TFIP11: variants seen among roughly 807,000 people sequenced by gnomAD.
TFIP11 encodes tuftelin interacting protein 11.
In TFIP11, 86 loss-of-function variants were observed where a neutral mutation model predicts 96.8. The observed-to-expected ratio is 0.89, with a 90% CI of 0.75 to 1.06. The LOEUF is 1.06. Ranked by LOEUF, TFIP11 falls within the 50% of genes least tolerant of loss-of-function variation. TFIP11 has a pLI of 0.00. For synonymous variants in TFIP11, 405 were observed against 395.2 expected, an observed-to-expected ratio of 1.02 and a Z score of -0.29; for missense variants, 881 against 1,076.7, an observed-to-expected ratio of 0.82 and a Z score of 2.54.
intron 2 of TFIP11, 46 bp downstream of exon 2, chr22:26,512,053 A>G (rs1294130751): frequency 6.6e-6 from 1 of 152,132 alleles, no homozygotes; most frequent in Non-Finnish European, 1.5e-5. Flanking sequence ...GTTAGTTTTC[A>G]TGCTTCAGAT....
In TFIP11 at chr22:26,496,259, A is replaced by G. The variant is rs1355876551; in HGVS notation, c.1663T>C (p.Trp555Arg). ...AGCCGTGCCTGCATAAGGGGCAGCC[A>G]TGGGTGGATCCAAGAGTGGATGGGA... Reference protein sequence around the residue: ...TVPIHSWIHPWLPLMQARLEP... With the variant: ...TVPIHSWIHPRLPLMQARLEP... Residue 555 changes from tryptophan (W) to arginine (R), a missense_variant, in exon 12 of 15, where the codon TGG becomes CGG. Trp to Arg is a moderately radical substitution (Grantham distance 101). Coordinates refer to ENST00000407690, the MANE Select transcript of TFIP11 (RefSeq NM_012143.4). 2 of 1,613,600 alleles carry G rather than the reference A, an allele frequency of 1.2e-6. No homozygotes were observed. The highest frequency in any genetic ancestry group is 1.7e-6 in the Non-Finnish European group (2 of 1,179,702).
intron 12 of TFIP11, 92 bp downstream of exon 12, chr22:26,495,981 C>T: frequency 6.6e-7 from 1 of 1,523,464 alleles, no homozygotes; most frequent in Admixed American, 1.9e-5. Context: ...CTTTCATGAA[C>T]ATAAAGGCGA....
chr22:26,510,764 T>C (rs1427909084), intron 2 of TFIP11, 62 bp from the exon 3 acceptor site: 1 of 155,224 alleles, frequency 6.4e-6, no homozygotes, highest in Non-Finnish European at 1.4e-5. Context: ...GAAACAAAAT[T>C]TTCAGTTTTC....
intron 14 of TFIP11, chr22:26,492,601 A>G (rs1921352068): frequency 1.9e-6 from 1 of 531,910 alleles, no homozygotes; most frequent in Admixed American, 3.2e-5. Context: ...AATATTCAAC[A>G]TTTTAAAATG....
At position 26,491,371 on chromosome 22, in the gene TFIP11, G is replaced by A. The variant is rs559520368; in HGVS notation, c.*642C>T. The A allele has an allele frequency of 1.9e-6, 2 of 1,037,886 alleles. No individual in the cohort carries two copies. The highest frequency in any genetic ancestry group is 1.4e-6 in the Non-Finnish European group (1 of 695,898). 64.3% of individuals were successfully genotyped at this position (1,037,886 alleles called of 1,614,324 possible). On this transcript the variant is annotated 3_prime_UTR_variant, in exon 15 of 15. Transcript: ENST00000407690. The stretch of plus-strand genomic sequence containing the variant: ...ATTTGTTATTTTTTTAAAAAGTAAA[G>A]TGGGGATGACAAGTAAAGTGGAAAT...
chr22:26,497,139 G>T (rs1412930606), intron 10 of TFIP11, among the ~76,000 whole-genome samples: 1 of 152,122 alleles, frequency 6.6e-6, no homozygotes, highest in Non-Finnish European at 1.5e-5. Flanking sequence ...AGCTGCTTTA[G>T]GGTCACAAGG....
At chr22:26,495,857 C>G (rs4822729) in intron 12 of TFIP11, among the ~76,000 whole-genome samples, 66,505 of 151,788 alleles carry the variant, frequency 0.44, 15,067 homozygotes, top group East Asian at 0.49. Context: ...TTGTCACTGT[C>G]GACTATTAGT....
chr22:26,510,078 G>A lies in TFIP11; in HGVS notation c.195C>T (p.Ser65=). 6.2e-7 allele frequency: 1 copy of A among 1,613,554 alleles called. No individual in the cohort carries two copies. The highest frequency in any genetic ancestry group is 1.7e-5 in the Admixed American group (1 of 60,016). Residue 65 remains serine (S), a synonymous_variant, in exon 4 of 15, where the codon AGC becomes AGT. Coordinates refer to ENST00000407690, the MANE Select transcript of TFIP11 (RefSeq NM_012143.4). ...CCAGGCAATACCGTTTGCCTCCAAA[G>A]CTGGGCCTCTCATCATCCGAGTCTC... ...AERDSDDERP[S]FGGKRARDYS... is the part of the protein sequence containing the mutation.
At chr22:26,500,878 C>CTTTTTTTTT (rs397958538) in intron 8 of TFIP11, among the ~76,000 whole-genome samples, 19 of 102,056 alleles carry the variant, frequency 1.9e-4, no homozygotes, top group South Asian at 3.2e-4. Context: ...TAACGGAAAA[C>CTTTTTTTTT]TTTTTTTTTT....
At chr22:26,498,461 T>G (rs1922338384) in intron 10 of TFIP11, among the ~76,000 whole-genome samples, 1 of 150,942 alleles carries the variant, frequency 6.6e-6, no homozygotes, top group South Asian at 2.1e-4. Flanking sequence ...GAGAATCGCT[T>G]GAACCAGGCA....
rs778131446 is a variant in TFIP11 at position 26,510,096 on chromosome 22, C to T, written c.177G>A (p.Ser59=). 23 of 1,613,882 alleles carry T rather than the reference C, an allele frequency of 1.4e-5. No individual in the cohort carries two copies. In the Admixed American group the frequency reaches 3.0e-4, roughly 21 times the overall value. ...ATYGVWAERD[S]DDERPSFGGK... The stretch of plus-strand genomic sequence containing the variant: ...CTCCAAAGCTGGGCCTCTCATCATC[C>T]GAGTCTCGCTCTGCCCACACCCCGT... The change falls in exon 4 of 15, where the codon TCG becomes TCA. Residue 59 remains serine (S), a synonymous_variant. Transcript: ENST00000407690.
rs1461812789 is a variant in TFIP11 at position 26,491,573 on chromosome 22, CAT to C, written c.*438_*439del. ...CTGTGCAAAAGCTAGAACAGCTCTCCATAGATATTTGGGAGTTTCGGGAAGAA... is the reference window on the plus strand; with the variant it reads ...CTGTGCAAAAGCTAGAACAGCTCTCCAGATATTTGGGAGTTTCGGGAAGAA... On this transcript the variant is annotated 3_prime_UTR_variant, in exon 15 of 15. Coordinates refer to ENST00000407690, the MANE Select transcript of TFIP11 (RefSeq NM_012143.4). 2 of 1,614,008 alleles carry C rather than the reference CAT, an allele frequency of 1.2e-6. No individual in the cohort carries two copies. Among genetic ancestry groups the C allele is most frequent in the Non-Finnish European group, 1.7e-6 (2 of 1,179,990 alleles).
At chr22:26,498,035 C>T (rs1162967968) in intron 10 of TFIP11, among the ~76,000 whole-genome samples, 1 of 152,174 alleles carries the variant, frequency 6.6e-6, no homozygotes, top group African/African-American at 2.4e-5. Flanking sequence ...GAATATGACT[C>T]AGCCATAAAA....
rs1235080930 is a variant in TFIP11, at chr22:26,491,795, C to CT, written c.*217dup. The CT allele has an allele frequency of 9.7e-7, 1 of 1,029,764 alleles. No homozygotes were observed. Among genetic ancestry groups the CT allele is most frequent in the Non-Finnish European group, 1.4e-6 (1 of 718,940 alleles). 63.8% of individuals were successfully genotyped at this position (1,029,764 alleles called of 1,614,324 possible). A position where few individuals can be genotyped will look rare whatever the true frequency, so the allele number is the denominator to read the frequency against. The stretch of plus-strand genomic sequence containing the variant: ...AGGAAAGAACATCAACTTGGCTGTC[C>CT]TGTTTTGAGGACGATACCCCACATG... On this transcript the variant is annotated 3_prime_UTR_variant, in exon 15 of 15. Coordinates refer to ENST00000407690, the MANE Select transcript of TFIP11 (RefSeq NM_012143.4).
intron 10 of TFIP11, 53 bp downstream of exon 10, chr22:26,498,816 C>A (rs1467617001): frequency 3.0e-5 from 44 of 1,488,402 alleles, no homozygotes; most frequent in Non-Finnish European, 3.9e-5. Context: ...GCAATCCTTC[C>A]CAACCCCCCA....
chr22:26,492,014 C>A lies in TFIP11; in HGVS notation c.2513G>T (p.Ter838LeuextTer20). 1 of 1,590,078 alleles carries A rather than the reference C, an allele frequency of 6.3e-7. No individual in the cohort carries two copies. The highest frequency in any genetic ancestry group is 8.6e-7 in the Non-Finnish European group (1 of 1,168,208). The change falls in exon 15 of 15, where the codon TGA becomes TTA. Residue 838 changes from the stop codon to leucine, a stop_lost. Transcript: ENST00000407690. Reference sequence around the variant, plus strand: ...GACTGGTTCTGGACCTGCCACAGTTCACTTGGCCATGTCGATCAGGCTCTG... The same window carrying A: ...GACTGGTTCTGGACCTGCCACAGTTAACTTGGCCATGTCGATCAGGCTCTG... ...SLQSLIDMAK* is the reference protein window; with the variant it reads ...SLQSLIDMAKL
chr22:26,500,959 C>T (rs1922713417), intron 8 of TFIP11, among the ~76,000 whole-genome samples: 1 of 148,620 alleles, frequency 6.7e-6, no homozygotes. Flanking sequence ...TTTCCGCTCA[C>T]TGCAAGCTCC....
intron 10 of TFIP11, among the ~76,000 whole-genome samples, chr22:26,498,316 G>A (rs537252812): frequency 4.5e-4 from 69 of 152,232 alleles, no homozygotes; most frequent in African/African-American, 1.5e-3. Context: ...AGGCCAAGGC[G>A]GGTGGATCAC....
At position 26,491,503 on chromosome 22, in the gene TFIP11, C is replaced by T. The variant is rs370703325; in HGVS notation, c.*510G>A. ...GAGGAGCTTGAGTTTCCTCAGACTT[C>T]ACAATACATGGACATATTTAATGAT... On this transcript the variant is annotated 3_prime_UTR_variant, in exon 15 of 15. Transcript: ENST00000407690. The T allele has an allele frequency of 9.3e-6, 15 of 1,613,896 alleles. No individual in the cohort carries two copies. Among genetic ancestry groups the T allele is most frequent in the Non-Finnish European group, 1.3e-5 (15 of 1,180,028 alleles).
Sources: gnomAD v4.1 joint callset for allele counts (sites outside exome capture counted in the v4.1 genomes callset) on GRCh38, gnomAD v4.1.1 for gene constraint, MANE v1.5 for transcripts, NCBI Gene and HGNC (gene_info 2026-07-23, HGNC 2026-07-21) for gene names.